Variants in LUZP1 observed in about 807,000 individuals in gnomAD.
The protein encoded by LUZP1 is leucine zipper protein 1.
LUZP1 carries 25 observed loss-of-function variants against 71.3 expected under a neutral mutation model. That is an observed-to-expected ratio of 0.35 (90% CI 0.26 to 0.49). The LOEUF is 0.49. LUZP1 is among the 20% of genes least tolerant of loss of function. LUZP1 has a pLI of 0.99. For missense variants in LUZP1, 1,142 were observed against 1,300.8 expected, an observed-to-expected ratio of 0.88 and a Z score of 1.88; for synonymous variants, 481 against 506.4, an observed-to-expected ratio of 0.95 and a Z score of 0.67.
chr1:23,123,390 G>T (rs1644145657), intron 2 of LUZP1, among the ~76,000 whole-genome samples: 2 of 151,866 alleles, frequency 1.3e-5, no homozygotes, highest in African/African-American at 4.8e-5. Context: ...TACTCAGGAG[G>T]CTGAGGCAGA....
rs765769791 is a variant in LUZP1 at position 23,093,054 on chromosome 1, C to T, written c.1208G>A (p.Arg403Gln). The T allele has an allele frequency of 5.6e-6, 9 of 1,614,120 alleles. No individual in the cohort carries two copies. The highest frequency in any genetic ancestry group is 3.3e-5 in the Admixed American group (2 of 60,028). Residue 403 changes from arginine (R) to glutamine (Q), a missense_variant, in exon 4 of 5, where the codon CGG becomes CAG. By Grantham distance (43) the Arg-to-Gln change is conservative. Transcript: ENST00000302291. This position sits in a 1 kb window ranked among gnomAD's most constrained non-coding sequence, Gnocchi z 4.2. ...ATTGTTGAGAGCAAACTCCCTGTTC[C>T]GGAGTCGTTCCCGCTTATGCTGAGG...
intron 2 of LUZP1, among the ~76,000 whole-genome samples, chr1:23,142,512 C>G (rs1644311102): frequency 6.6e-6 from 1 of 151,952 alleles, no homozygotes; most frequent in Non-Finnish European, 1.5e-5. Context: ...TCTGATGAGT[C>G]TGGTTTCTCC....
chr1:23,107,294 T>A (rs548702470), intron 3 of LUZP1, among the ~76,000 whole-genome samples: 1 of 152,326 alleles, frequency 6.6e-6, no homozygotes, highest in East Asian at 1.9e-4. Context: ...ATCTAGTGGA[T>A]GTTATTTGTC....
At position 23,089,070 on chromosome 1, in the gene LUZP1, C is replaced by G. The variant is rs747942001; in HGVS notation, c.3073-17G>C. ...TTCTTCCTCCTGTGCCAATAAATAACAAAAGTGAGCTGTGGAGGTCAGTAA... is the reference window on the plus strand; with the variant it reads ...TTCTTCCTCCTGTGCCAATAAATAAGAAAAGTGAGCTGTGGAGGTCAGTAA... On this transcript the variant is annotated splice_polypyrimidine_tract_variant and intron_variant, in intron 4 of 4. Coordinates refer to ENST00000302291, the Ensembl canonical transcript of LUZP1. The G allele has an allele frequency of 1.2e-6, 2 of 1,612,538 alleles. No homozygotes were observed. The highest frequency in any genetic ancestry group is 2.2e-5 in the South Asian group (2 of 90,888).
chr1:23,094,278 T>C lies in LUZP1; in HGVS notation c.-17A>G. 6.3e-7 allele frequency: 1 copy of C among 1,582,228 alleles called. No homozygotes were observed. The highest frequency in any genetic ancestry group is 8.6e-7 in the Non-Finnish European group (1 of 1,166,778). On this transcript the variant is annotated 5_prime_UTR_variant, in exon 4 of 5. Coordinates refer to ENST00000302291, the Ensembl canonical transcript of LUZP1. This position sits in a 1 kb window ranked among gnomAD's most constrained non-coding sequence, Gnocchi z 4.7. ...TTCGGCCATGTCTACTGCCAGCCAA[T>C]GTGGGCTCCTAGAGGCATCCAATTC...
chr1:23,152,385 T>C (rs540628644), intron 2 of LUZP1, among the ~76,000 whole-genome samples: 2 of 152,240 alleles, frequency 1.3e-5, no homozygotes, highest in South Asian at 4.1e-4. Context: ...TTTTAGAGAA[T>C]CTCAACATCT....
chr1:23,173,755 C>T (rs368331654), intron 1 of LUZP1, among the ~76,000 whole-genome samples: 20 of 152,112 alleles, frequency 1.3e-4, no homozygotes, highest in African/African-American at 4.8e-4. Context: ...GGTATACCAG[C>T]AGTGGGCATC....
At chr1:23,145,414 C>T (rs1031545127) in intron 2 of LUZP1, among the ~76,000 whole-genome samples, 2 of 150,724 alleles carry the variant, frequency 1.3e-5, no homozygotes, top group Non-Finnish European at 1.5e-5. Flanking sequence ...AAGCCCTTTG[C>T]GTGAACTAAC....
At chr1:23,149,245 A>C (rs1441067381) in intron 2 of LUZP1, among the ~76,000 whole-genome samples, 2 of 152,050 alleles carry the variant, frequency 1.3e-5, no homozygotes, top group Non-Finnish European at 1.5e-5. Context: ...CTGAGGAGAG[A>C]GGAAGAGAAA....
intron 2 of LUZP1, among the ~76,000 whole-genome samples, chr1:23,156,739 C>T (rs1018700621): frequency 4.6e-5 from 7 of 152,178 alleles, no homozygotes; most frequent in Non-Finnish European, 8.8e-5. Context: ...GGCGCATCTT[C>T]CAATCATGTG....
intron 2 of LUZP1, among the ~76,000 whole-genome samples, chr1:23,155,677 G>A (rs1031410170): frequency 2.0e-5 from 3 of 152,096 alleles, no homozygotes; most frequent in African/African-American, 4.8e-5. Flanking sequence ...TGGGCCAGGC[G>A]TGGTGGCGGG....
chr1:23,103,710 T>C (rs1408294348), intron 3 of LUZP1, among the ~76,000 whole-genome samples: 1 of 151,582 alleles, frequency 6.6e-6, no homozygotes, highest in Non-Finnish European at 1.5e-5. Flanking sequence ...ATGCATGAGG[T>C]CAGAAGTGTA....
intron 1 of LUZP1, among the ~76,000 whole-genome samples, chr1:23,170,608 C>T (rs545517568): frequency 6.6e-5 from 10 of 151,630 alleles, no homozygotes; most frequent in African/African-American, 2.4e-4. Context: ...CTGGGATTAC[C>T]GGCACTTGCC....
intron 2 of LUZP1, among the ~76,000 whole-genome samples, chr1:23,112,788 C>G (rs573182028): frequency 6.6e-6 from 1 of 152,162 alleles, no homozygotes; most frequent in East Asian, 1.9e-4. Context: ...AGAAATAGCC[C>G]AGAGCAGCCA....
chr1:23,090,665 A>T, intron 4 of LUZP1: 1 of 597,424 alleles, frequency 1.7e-6, no homozygotes, highest in East Asian at 2.8e-5. Flanking sequence ...GTATACGCTT[A>T]TCTAAAATAG....
At chr1:23,116,584 T>TA (rs71848574) in intron 2 of LUZP1, among the ~76,000 whole-genome samples, 27,114 of 132,690 alleles carry the variant, frequency 0.2, 2,678 homozygotes, top group East Asian at 0.28. Context: ...ACTGGACTGT[T>TA]AAAAAAAAAA....
chr1:23,117,697 CT>C (rs1231210953), intron 2 of LUZP1, among the ~76,000 whole-genome samples: 1 of 152,090 alleles, frequency 6.6e-6, no homozygotes, highest in African/African-American at 2.4e-5. Flanking sequence ...CCTCCCACCC[CT>C]AAGCCCTAAG....
chr1:23,138,997 C>CAAAAAAAA lies in LUZP1; in HGVS notation c.-226+29761_-226+29768dup, dbSNP rs535524035. Among the ~76,000 whole-genome samples the CAAAAAAAA allele has an allele frequency of 5.1e-3, 109 of 21,580 alleles. 17 individuals carry two copies. The highest frequency in any genetic ancestry group is 5.5e-3 in the Non-Finnish European group (71 of 12,800). 14.2% of individuals were successfully genotyped at this position (21,580 alleles called of 152,430 possible). The stretch of plus-strand genomic sequence containing the variant: ...TGGGTGACAGAGCAAGACTCCATCT[C>CAAAAAAAA]AAAAAAAAAAAAAAAAAAAAAAATA... On this transcript the variant is annotated intron_variant, in intron 2 of 4. Transcript: ENST00000302291.
chr1:23,110,665 C>CACACACACACACACACA (rs1557647742), intron 2 of LUZP1, among the ~76,000 whole-genome samples: 30 of 151,926 alleles, frequency 2.0e-4, no homozygotes, highest in African/African-American at 6.0e-4. Flanking sequence ...CACACACACA[C>CACACACACACACACACA]CCATCCCTGC....
Sources: gnomAD v4.1 joint callset for allele counts (sites outside exome capture counted in the v4.1 genomes callset) on GRCh38, gnomAD v4.1.1 for gene constraint, Gnocchi (gnomAD v3.1) non-coding constraint, MANE v1.5 for transcripts, NCBI Gene and HGNC (gene_info 2026-07-23, HGNC 2026-07-21) for gene names.